ROBO2: variants seen among roughly 807,000 people sequenced by gnomAD.
The protein encoded by ROBO2 is roundabout guidance receptor 2, also known as roundabout homolog 2.
A neutral mutation model predicts 160.8 loss-of-function variants in ROBO2; 53 were observed. The ratio of observed to expected loss-of-function variants is 0.33; its 90% CI spans 0.26 to 0.41. The LOEUF (loss-of-function observed/expected upper bound fraction) is 0.41. Ranked by LOEUF, ROBO2 falls within the 10% of genes least tolerant of loss-of-function variation. ROBO2 has a pLI of 1.00. For missense variants in ROBO2, 1,577 were observed against 1,722.4 expected, an observed-to-expected ratio of 0.92 and a Z score of 1.49; for synonymous variants, 664 against 611.7, an observed-to-expected ratio of 1.09 and a Z score of -1.26.
At chr3:77,098,819 G>A (rs1469036733) in intron 2 of ROBO2, among the ~76,000 whole-genome samples, 1 of 152,068 alleles carries the variant, frequency 6.6e-6, no homozygotes, top group Non-Finnish European at 1.5e-5. Flanking sequence ...TCGCGCCACT[G>A]CACTCCAGCC....
intron 2 of ROBO2, among the ~76,000 whole-genome samples, chr3:77,227,698 G>A (rs1046944908): frequency 3.3e-5 from 5 of 152,210 alleles, no homozygotes; most frequent in Non-Finnish European, 7.3e-5. Context: ...TTGACTGACA[G>A]GTTGGATCAA....
rs189214125 is a variant in ROBO2, at chr3:76,945,665, A to T, written c.110-152349A>T. ...TTCCTTCTGTGTTTTATTTCGAATA[A>T]ATTTTAACTGCCATGTCCTCAAGGT... On this transcript the variant is annotated intron_variant, in intron 2 of 26. Coordinates refer to the ROBO2 transcript ENST00000487694. Among the ~76,000 whole-genome samples, 257 of 152,208 alleles carry T rather than the reference A, an allele frequency of 1.7e-3. 1 individual carries two copies. Among genetic ancestry groups the T allele is most frequent in the African/African-American group, 5.2e-3 (218 of 41,528 alleles).
intron 1 of ROBO2, among the ~76,000 whole-genome samples, chr3:75,916,773 C>T (rs367955876): frequency 6.6e-6 from 1 of 151,480 alleles, no homozygotes; most frequent in East Asian, 1.9e-4. Flanking sequence ...GTTAAAAACA[C>T]CTGTAAATGA....
intron 2 of ROBO2, among the ~76,000 whole-genome samples, chr3:76,645,299 C>A (rs1442657332): frequency 6.6e-6 from 1 of 152,150 alleles, no homozygotes; most frequent in Non-Finnish European, 1.5e-5. Flanking sequence ...GAATCCTATT[C>A]TAACCTATTT....
chr3:76,204,669 T>G (rs935322779), intron 2 of ROBO2, among the ~76,000 whole-genome samples: 18 of 152,202 alleles, frequency 1.2e-4, no homozygotes, highest in South Asian at 2.1e-4. Context: ...GAATTTCATG[T>G]GAATTAGTGG....
chr3:76,726,037 C>G (rs1300086107), intron 2 of ROBO2, among the ~76,000 whole-genome samples: 1 of 152,192 alleles, frequency 6.6e-6, no homozygotes, highest in Non-Finnish European at 1.5e-5. Flanking sequence ...AAGAAACCAT[C>G]CTTAGAGTAC....
chr3:76,178,860 G>A (rs2073325082), intron 2 of ROBO2, among the ~76,000 whole-genome samples: 1 of 152,062 alleles, frequency 6.6e-6, no homozygotes. Flanking sequence ...AGAATCGCTT[G>A]AACCTGAGAG....
exon 22 of ROBO2, chr3:77,617,545 C>T: frequency 6.2e-7 from 1 of 1,614,096 alleles, no homozygotes; most frequent in Non-Finnish European, 8.5e-7. Context: ...CCACCATTGC[C>T]AGTACAAACT....
At chr3:75,937,445 T>G (rs1259560716) in intron 1 of ROBO2, 17 of 1,172,240 alleles carry the variant, frequency 1.5e-5, no homozygotes, top group Middle Eastern at 2.7e-4. Context: ...GAATGTAATT[T>G]ATTGTACTTT....
At chr3:76,898,226 A>G (rs2074960443) in intron 2 of ROBO2, among the ~76,000 whole-genome samples, 2 of 152,088 alleles carry the variant, frequency 1.3e-5, no homozygotes, top group South Asian at 4.1e-4. Flanking sequence ...TATTTATTAA[A>G]GGCTTTATTT....
At chr3:76,827,285 C>T (rs1163379569) in intron 2 of ROBO2, among the ~76,000 whole-genome samples, 2 of 152,146 alleles carry the variant, frequency 1.3e-5, no homozygotes, top group African/African-American at 2.4e-5. Flanking sequence ...TTTTCTACTA[C>T]ATCAAGAAAG....
At chr3:76,159,343 G>A (rs920787885) in intron 2 of ROBO2, among the ~76,000 whole-genome samples, 2 of 152,142 alleles carry the variant, frequency 1.3e-5, no homozygotes, top group East Asian at 1.9e-4. Flanking sequence ...AGGACAGGTA[G>A]TCACTTCAAA....
chr3:76,551,272 T>A (rs907487217), intron 2 of ROBO2, among the ~76,000 whole-genome samples: 1 of 151,942 alleles, frequency 6.6e-6, no homozygotes, highest in Non-Finnish European at 1.5e-5. Context: ...ACCTGCCTGA[T>A]GGAACAGAAG....
chr3:76,222,478 G>A (rs534758419), intron 2 of ROBO2, among the ~76,000 whole-genome samples: 18 of 134,400 alleles, frequency 1.3e-4, no homozygotes, highest in South Asian at 7.3e-4. Context: ...CTCCCAACCC[G>A]CCCAACCCTT....
intron 2 of ROBO2, among the ~76,000 whole-genome samples, chr3:76,990,865 C>G (rs762611879): frequency 2.6e-5 from 4 of 152,074 alleles, no homozygotes; most frequent in Non-Finnish European, 5.9e-5. Context: ...AAGAATATCT[C>G]AAGTGAGCAT....
intron 2 of ROBO2, among the ~76,000 whole-genome samples, chr3:76,493,366 A>ATATATATATATATATATGG (rs2079956468): frequency 1.4e-5 from 1 of 69,366 alleles, no homozygotes; most frequent in Non-Finnish European, 3.1e-5. Context: ...TATATATATA[A>ATATATATATATATATATGG]TTGTATATAC....
At chr3:77,057,475 C>A (rs1283999783) in intron 1 of ROBO2, among the ~76,000 whole-genome samples, 3 of 151,458 alleles carry the variant, frequency 2.0e-5, no homozygotes, top group Non-Finnish European at 4.4e-5. Flanking sequence ...AAAAAAAGAC[C>A]AAGTTCAAAG....
Position 77,412,730 on chromosome 3 carries a change from A to T in ROBO2, c.389-64684A>T, listed in dbSNP as rs556580536. On this transcript the variant is annotated intron_variant, in intron 2 of 25. Coordinates refer to ENST00000461745, the Ensembl canonical transcript of ROBO2. ...AGACTGATCCCAAAAATGCTTTCCT[A>T]ATCCATTTCCTGAGGCTCTCTGCTC... is the stretch of plus-strand genomic sequence containing the variant. Among the ~76,000 whole-genome samples, 6 of 152,224 alleles carry T rather than the reference A, an allele frequency of 3.9e-5. No individual in the cohort carries two copies. In the South Asian group the frequency reaches 1.2e-3, roughly 32 times the overall value.
At chr3:76,287,598 C>T (rs1307290839) in intron 2 of ROBO2, among the ~76,000 whole-genome samples, 1 of 152,180 alleles carries the variant, frequency 6.6e-6, no homozygotes, top group African/African-American at 2.4e-5. Flanking sequence ...CCGTGCCCGG[C>T]CCTTTTCTTA....
Sources: gnomAD v4.1 joint callset for allele counts (sites outside exome capture counted in the v4.1 genomes callset) on GRCh38, gnomAD v4.1.1 for gene constraint, MANE v1.5 for transcripts, NCBI Gene and HGNC (gene_info 2026-07-23, HGNC 2026-07-21) for gene names.